Variants in RANBP17 observed in about 807,000 individuals in gnomAD.
RANBP17 encodes RAN binding protein 17.
A neutral mutation model predicts 141.2 loss-of-function variants in RANBP17; 158 were observed. The ratio of observed to expected loss-of-function variants is 1.12; its 90% CI spans 0.98 to 1.28. RANBP17 has a LOEUF of 1.28. Among genes scored for constraint, RANBP17 ranks in the 50% most tolerant of loss-of-function variants. The pLI is 0.00. For missense variants in RANBP17, 1,438 were observed against 1,290.7 expected, an observed-to-expected ratio of 1.11 and a Z score of -1.75; for synonymous variants, 430 against 450.0, an observed-to-expected ratio of 0.96 and a Z score of 0.56.
Position 171,080,018 on chromosome 5 carries a change from T to C in RANBP17, c.1711-90112T>C, listed in dbSNP as rs558043902. Among the ~76,000 whole-genome samples, 4 of 152,236 alleles carry C rather than the reference T, an allele frequency of 2.6e-5. No individual in the cohort carries two copies. In the South Asian group the frequency reaches 8.3e-4, roughly 32 times the overall value. ...AAAGGTCAAAAGAAACACTGAGAGA[T>C]GGAGATAAACTGATCCTGATAACAT... is the stretch of plus-strand genomic sequence containing the variant. On this transcript the variant is annotated intron_variant, in intron 14 of 27. Transcript: ENST00000523189.
intron 14 of RANBP17, among the ~76,000 whole-genome samples, chr5:171,037,609 T>C (rs1483713332): frequency 2.6e-5 from 4 of 152,120 alleles, no homozygotes; most frequent in Non-Finnish European, 4.4e-5. Flanking sequence ...CGAGTTAATT[T>C]TTGTATATGG....
chr5:171,289,345 A>G (rs1264332887), intron 25 of RANBP17, among the ~76,000 whole-genome samples: 25 of 152,268 alleles, frequency 1.6e-4, no homozygotes. Flanking sequence ...TGAGCCTTCA[A>G]CTTTCTTAGA....
intron 20 of RANBP17, among the ~76,000 whole-genome samples, chr5:171,212,082 C>T (rs1477209533): frequency 1.3e-5 from 2 of 152,160 alleles, no homozygotes; most frequent in East Asian, 1.9e-4. Context: ...CACCACCATA[C>T]ACAGGAGACA....
chr5:170,927,035 T>G (rs10038105), intron 12 of RANBP17, among the ~76,000 whole-genome samples: 114,990 of 151,912 alleles, frequency 0.76, 43,742 homozygotes, highest in South Asian at 0.92. Flanking sequence ...ACAATGATTT[T>G]AGTGATTTAG....
intron 14 of RANBP17, among the ~76,000 whole-genome samples, chr5:171,142,126 A>G (rs1201623827): frequency 3.3e-5 from 5 of 152,158 alleles, no homozygotes; most frequent in African/African-American, 4.8e-5. Context: ...TTAAATTTCT[A>G]CCTGTTACGG....
chr5:170,914,508 A>G (rs1408087945), intron 8 of RANBP17, among the ~76,000 whole-genome samples: 1 of 152,110 alleles, frequency 6.6e-6, no homozygotes, highest in Non-Finnish European at 1.5e-5. Context: ...CAATCCCTAA[A>G]TACATATTTT....
intron 1 of RANBP17, among the ~76,000 whole-genome samples, chr5:170,870,443 T>G (rs868760839): frequency 1.6e-4 from 25 of 152,006 alleles, no homozygotes; most frequent in African/African-American, 6.0e-4. Flanking sequence ...TTGTTTGGCT[T>G]CCACTTATGG....
chr5:170,871,001 T>G (rs1162573669), intron 1 of RANBP17, among the ~76,000 whole-genome samples: 2 of 152,226 alleles, frequency 1.3e-5, no homozygotes, highest in South Asian at 2.1e-4. Context: ...ATGTGTTTCT[T>G]GGCCACATAA....
intron 15 of RANBP17, 81 bp downstream of exon 15, chr5:171,170,284 T>G: frequency 1.8e-6 from 1 of 570,972 alleles, no homozygotes; most frequent in Non-Finnish European, 2.9e-6. Flanking sequence ...TTTAAACCTT[T>G]TTATATATTA....
At chr5:171,204,836 G>C (rs918012608) in intron 19 of RANBP17, among the ~76,000 whole-genome samples, 1 of 152,108 alleles carries the variant, frequency 6.6e-6, no homozygotes, top group Non-Finnish European at 1.5e-5. Context: ...CATTTATTTG[G>C]CACAGTGCCT....
At chr5:171,090,700 T>TGTGCAGTCTAGGGACTTGGTGCCCTGTG (rs1786188202) in intron 14 of RANBP17, among the ~76,000 whole-genome samples, 1 of 152,126 alleles carries the variant, frequency 6.6e-6, no homozygotes, top group African/African-American at 2.4e-5. Flanking sequence ...CCCTCTGCTC[T>TGTGCAGTCTAGGGACTTGGTGCCCTGTG]GTGCAGTCTA....
intron 24 of RANBP17, among the ~76,000 whole-genome samples, chr5:171,244,212 T>C (rs1392576389): frequency 6.6e-6 from 1 of 151,670 alleles, no homozygotes; most frequent in African/African-American, 2.4e-5. Flanking sequence ...GCCAACATGG[T>C]GAAACCCTGT....
chr5:171,036,908 A>T (rs577242747), intron 14 of RANBP17, among the ~76,000 whole-genome samples: 1 of 152,260 alleles, frequency 6.6e-6, no homozygotes, highest in Non-Finnish European at 1.5e-5. Flanking sequence ...ATATGAGTAC[A>T]TGTGTTTTTT....
intron 14 of RANBP17, among the ~76,000 whole-genome samples, chr5:171,047,014 C>CTTTTTTTTT: frequency 1.0e-5 from 1 of 97,760 alleles, no homozygotes; most frequent in Non-Finnish European, 1.9e-5. Flanking sequence ...TTTATTTTGC[C>CTTTTTTTTT]TTTTTTTTTT....
intron 12 of RANBP17, among the ~76,000 whole-genome samples, chr5:170,937,975 A>C (rs1413047440): frequency 6.6e-6 from 1 of 152,138 alleles, no homozygotes; most frequent in Non-Finnish European, 1.5e-5. Context: ...CTGGGCTTAC[A>C]GTAAGTACGT....
At chr5:170,956,445 G>C (rs948408639) in intron 13 of RANBP17, among the ~76,000 whole-genome samples, 6 of 151,756 alleles carry the variant, frequency 4.0e-5, no homozygotes, top group African/African-American at 1.5e-4. Context: ...AATATTTTTA[G>C]TTTTTCTAAG....
intron 14 of RANBP17, among the ~76,000 whole-genome samples, chr5:171,141,289 G>T: frequency 6.6e-6 from 1 of 151,872 alleles, no homozygotes; most frequent in East Asian, 1.9e-4. Context: ...GTTTATTAAG[G>T]ATGGGAAGTT....
chr5:171,265,244 C>T (rs1478563376), intron 24 of RANBP17, among the ~76,000 whole-genome samples: 1 of 152,174 alleles, frequency 6.6e-6, no homozygotes, highest in African/African-American at 2.4e-5. Flanking sequence ...TTATATAAGA[C>T]AAATTCCTGG....
chr5:171,136,205 A>G (rs188524793), intron 14 of RANBP17, among the ~76,000 whole-genome samples: 1 of 152,298 alleles, frequency 6.6e-6, no homozygotes, highest in East Asian at 1.9e-4. Flanking sequence ...TTTAATTTGT[A>G]TAAGGGTATT....
Sources: allele counts gnomAD v4.1 joint callset (sites outside exome capture counted in the v4.1 genomes callset), GRCh38; gene constraint gnomAD v4.1.1; transcripts MANE v1.5; gene names NCBI Gene and HGNC (gene_info 2026-07-23, HGNC 2026-07-21).